Variants in WDR72 observed in about 807,000 individuals in gnomAD.
The protein encoded by WDR72 is WD repeat-containing protein 72.
A neutral mutation model predicts 124.2 loss-of-function variants in WDR72; 120 were observed. The observed-to-expected ratio is 0.97, with a 90% CI of 0.83 to 1.12. The LOEUF (loss-of-function observed/expected upper bound fraction) is 1.12. Among genes scored for constraint, WDR72 ranks in the 50% most tolerant of loss-of-function variants. The pLI is 0.00. For missense variants in WDR72, 1,387 were observed against 1,278.8 expected (o/e 1.08, Z -1.29); for synonymous variants, 452 against 441.7 (o/e 1.02, Z -0.29).
intron 18 of WDR72, among the ~76,000 whole-genome samples, chr15:53,563,485 G>A (rs1205941196): frequency 6.6e-6 from 1 of 151,734 alleles, no homozygotes; most frequent in East Asian, 1.9e-4. Context: ...TTTAGGATTG[G>A]GGGTACATGT....
At position 53,516,229 on chromosome 15, in the gene WDR72, A is replaced by G. The variant is rs886051294; in HGVS notation, c.*1470T>C. 29 of 152,174 alleles carry G rather than the reference A, an allele frequency of 1.9e-4. No homozygotes were observed. Among genetic ancestry groups the G allele is most frequent in the African/African-American group, 6.8e-4 (28 of 41,460 alleles). The allele number at this position is 152,174 out of a possible 1,614,324, so 9.4% of individuals were successfully genotyped here. A position where few individuals can be genotyped will look rare whatever the true frequency, so the allele number is the denominator to read the frequency against. On this transcript the variant is annotated 3_prime_UTR_variant, in exon 20 of 20. Coordinates refer to ENST00000360509, the MANE Select transcript of WDR72 (RefSeq NM_182758.4). ...CAAGCAGTAAAATCATATTTTAGGA[A>G]ACAAAGAATGCACACTTTAATCTAC...
At chr15:53,734,800 G>A (rs2018301869) in intron 1 of WDR72, among the ~76,000 whole-genome samples, 1 of 47,106 alleles carries the variant, frequency 2.1e-5, no homozygotes, top group South Asian at 1.1e-3. Context: ...GTACAAATGG[G>A]TTGGGACTAA....
chr15:53,557,299 C>T (rs932440401), intron 18 of WDR72, among the ~76,000 whole-genome samples: 2 of 152,006 alleles, frequency 1.3e-5, no homozygotes, highest in Admixed American at 6.6e-5. Context: ...ATTAAATTTC[C>T]CTGAACTTTC....
At chr15:53,658,283 C>G (rs2015496936) in intron 14 of WDR72, among the ~76,000 whole-genome samples, 1 of 152,144 alleles carries the variant, frequency 6.6e-6, no homozygotes, top group Non-Finnish European at 1.5e-5. Context: ...CACTTCCTCT[C>G]TGTATCTTGA....
chr15:53,673,705 T>C (rs150078881), intron 13 of WDR72, among the ~76,000 whole-genome samples: 41 of 152,208 alleles, frequency 2.7e-4, no homozygotes, highest in African/African-American at 9.1e-4. Context: ...AAAAAGCATA[T>C]AGGGCCGGGT....
intron 18 of WDR72, among the ~76,000 whole-genome samples, chr15:53,539,681 T>C (rs984112938): frequency 6.6e-6 from 1 of 151,510 alleles, no homozygotes; most frequent in Non-Finnish European, 1.5e-5. Context: ...CCTCAATACC[T>C]ACATACAGAA....
intron 13 of WDR72, among the ~76,000 whole-genome samples, chr15:53,678,000 A>G (rs1165370943): frequency 6.6e-6 from 1 of 152,196 alleles, no homozygotes; most frequent in East Asian, 1.9e-4. Context: ...TATTTTAACT[A>G]AAAAGACAGG....
chr15:53,618,379 C>T (rs767662094), intron 14 of WDR72, among the ~76,000 whole-genome samples: 1 of 151,896 alleles, frequency 6.6e-6, no homozygotes. Context: ...ATATTACTTG[C>T]CTATCAGTTA....
chr15:53,738,217 C>T (rs546722037), intron 1 of WDR72, among the ~76,000 whole-genome samples: 2 of 151,964 alleles, frequency 1.3e-5, no homozygotes, highest in African/African-American at 4.8e-5. Flanking sequence ...ATAAATACAT[C>T]AGTAAGAAAA....
chr15:53,724,334 G>C (rs777190468), intron 2 of WDR72, among the ~76,000 whole-genome samples: 9 of 146,546 alleles, frequency 6.1e-5, no homozygotes, highest in Non-Finnish European at 7.4e-5. Flanking sequence ...TGAGGTGATA[G>C]ATGTGTTAAC....
chr15:53,548,503 G>A (rs1462448696), intron 18 of WDR72, among the ~76,000 whole-genome samples: 3 of 152,186 alleles, frequency 2.0e-5, no homozygotes, highest in Non-Finnish European at 4.4e-5. Flanking sequence ...GCCAAAAGGA[G>A]AAAGCAAGGC....
At position 53,656,512 on chromosome 15, in the gene WDR72, C is replaced by T. The variant is rs116449801; in HGVS notation, c.1962+9060G>A. On this transcript the variant is annotated intron_variant, in intron 14 of 19. Transcript: ENST00000360509. ...GCTTCCTGTTAGTTTTTTGCATTTG[C>T]TACTCTCTTAGGGCCAGTTTCAACA... Among the ~76,000 whole-genome samples the T allele has an allele frequency of 3.0e-3, 448 of 151,830 alleles. 2 individuals carry two copies. The highest frequency in any genetic ancestry group is 0.01 in the African/African-American group (431 of 41,430).
At chr15:53,590,664 C>T (rs966468671) in intron 18 of WDR72, among the ~76,000 whole-genome samples, 2 of 151,968 alleles carry the variant, frequency 1.3e-5, no homozygotes, top group African/African-American at 2.4e-5. Context: ...TCAAAGCCAG[C>T]CTGCCTGAGT....
At chr15:53,627,389 G>T (rs1595803762) in intron 14 of WDR72, among the ~76,000 whole-genome samples, 3 of 152,234 alleles carry the variant, frequency 2.0e-5, no homozygotes, top group East Asian at 3.9e-4. Flanking sequence ...ATAACATAAA[G>T]ACCTAGCCCC....
intron 18 of WDR72, among the ~76,000 whole-genome samples, chr15:53,541,296 G>C (rs2140257907): frequency 6.6e-6 from 1 of 152,296 alleles, no homozygotes; most frequent in African/African-American, 2.4e-5. Context: ...CTGGAGATCT[G>C]AGAACGGGCA....
chr15:53,591,292 C>T (rs986787057), intron 18 of WDR72, among the ~76,000 whole-genome samples: 3 of 151,894 alleles, frequency 2.0e-5, no homozygotes, highest in South Asian at 2.1e-4. Flanking sequence ...TTGTTCTTGG[C>T]GATATCCTTA....
At chr15:53,684,490 C>T (rs474461) in intron 13 of WDR72, 62,723 of 161,352 alleles carry the variant, frequency 0.39, 13,985 homozygotes, top group Middle Eastern at 0.62. Flanking sequence ...CCGAATACTG[C>T]GCTTTTCCGA....
At chr15:53,592,414 C>T (rs1282958592) in intron 18 of WDR72, among the ~76,000 whole-genome samples, 2 of 152,070 alleles carry the variant, frequency 1.3e-5, no homozygotes, top group Non-Finnish European at 2.9e-5. Flanking sequence ...CTGGAAAACT[C>T]AGCAGGCCAA....
intron 18 of WDR72, among the ~76,000 whole-genome samples, chr15:53,544,339 A>C (rs1389985910): frequency 1.9e-5 from 2 of 104,290 alleles, no homozygotes; most frequent in African/African-American, 4.1e-5. Flanking sequence ...CATCCCTGGG[A>C]TGCAAGGCTG....
Sources: gnomAD v4.1 joint callset for allele counts (sites outside exome capture counted in the v4.1 genomes callset) on GRCh38, gnomAD v4.1.1 for gene constraint, MANE v1.5 for transcripts, NCBI Gene and HGNC (gene_info 2026-07-23, HGNC 2026-07-21) for gene names.